Variants in DENND2B observed in about 807,000 individuals in gnomAD.
DENND2B encodes DENN domain-containing protein 2B.
In DENND2B, 32 loss-of-function variants were observed where a neutral mutation model predicts 116.0. That is an observed-to-expected ratio of 0.28 (90% CI 0.21 to 0.37). The LOEUF is 0.37. DENND2B is among the 10% of genes least tolerant of loss of function. DENND2B has a pLI of 1.00. For missense variants in DENND2B, 1,276 were observed against 1,477.7 expected (o/e 0.86, Z 2.24); for synonymous variants, 588 against 583.9 (o/e 1.01, Z -0.10).
intron 5 of DENND2B, among the ~76,000 whole-genome samples, chr11:8,716,860 C>G (rs868040924): frequency 1.3e-5 from 2 of 152,190 alleles, no homozygotes; most frequent in South Asian, 2.1e-4. Context: ...CCAGGCTGGT[C>G]TTGAACTCCT....
chr11:8,809,472 T>C (rs2061187565), intron 1 of DENND2B: 1 of 152,180 alleles, frequency 6.6e-6, no homozygotes, highest in South Asian at 2.1e-4. Flanking sequence ...ATGGCTCAAG[T>C]GGAAGCACAA....
chr11:8,700,456 C>T (rs2041346586), intron 14 of DENND2B, among the ~76,000 whole-genome samples: 1 of 152,196 alleles, frequency 6.6e-6, no homozygotes, highest in South Asian at 2.1e-4. Context: ...CCTTTCTTCT[C>T]CTGGGCTGAG....
chr11:8,844,987 C>T (rs2062761633), intron 3 of DENND2B, among the ~76,000 whole-genome samples: 1 of 152,126 alleles, frequency 6.6e-6, no homozygotes, highest in Non-Finnish European at 1.5e-5. Context: ...AGTGATCCTC[C>T]TGCCTCGGCT....
intron 2 of DENND2B, among the ~76,000 whole-genome samples, chr11:8,734,753 C>T (rs975491983): frequency 1.4e-5 from 2 of 142,990 alleles, no homozygotes; most frequent in Non-Finnish European, 3.0e-5. Context: ...CACGCCATTG[C>T]ACTCCGGCCT....
chr11:8,889,383 T>A (rs528665242), intron 1 of DENND2B, among the ~76,000 whole-genome samples: 4 of 152,174 alleles, frequency 2.6e-5, no homozygotes, highest in Non-Finnish European at 5.9e-5. Context: ...ATGGGGCTTG[T>A]CAGACAGTGG....
chr11:8,887,181 T>G (rs2063970589), intron 1 of DENND2B, among the ~76,000 whole-genome samples: 1 of 152,226 alleles, frequency 6.6e-6, no homozygotes, highest in Non-Finnish European at 1.5e-5. Flanking sequence ...CTCTTAATAT[T>G]TTGGCATTAT....
intron 1 of DENND2B, among the ~76,000 whole-genome samples, chr11:8,802,224 C>T (rs1429374388): frequency 1.3e-5 from 2 of 151,102 alleles, no homozygotes; most frequent in Non-Finnish European, 2.9e-5. Flanking sequence ...TCACTTGAAC[C>T]CAGGAGATGG....
chr11:8,774,391 C>G, intron 1 of DENND2B: 1 of 922,202 alleles, frequency 1.1e-6, no homozygotes, highest in Non-Finnish European at 1.3e-6. Flanking sequence ...TCCTGCTTTC[C>G]CTTCCTCCAT....
rs922593653 is a variant in DENND2B at position 8,769,355 on chromosome 11, A to G, written c.-25-18630T>C. 2.0e-5 allele frequency among the ~76,000 whole-genome samples: 3 copies of G among 151,042 alleles called. No individual in the cohort carries two copies. In the South Asian group the frequency reaches 6.3e-4, roughly 32 times the overall value. On this transcript the variant is annotated intron_variant, in intron 1 of 19. Coordinates refer to ENST00000313726, the MANE Select transcript of DENND2B (RefSeq NM_213618.2). ...CAGGTTCAAGTGATTCTCGTGCCTC[A>G]GCCTCCTGAGTAGCTGGGATGACAG...
At chr11:8,791,940 C>T (rs1330659728) in intron 1 of DENND2B, among the ~76,000 whole-genome samples, 1 of 151,942 alleles carries the variant, frequency 6.6e-6, no homozygotes, top group African/African-American at 2.4e-5. Context: ...CATGGTGGCT[C>T]ATGCCTGTAA....
chr11:8,764,307 C>T (rs1480052017), intron 1 of DENND2B, among the ~76,000 whole-genome samples: 1 of 152,124 alleles, frequency 6.6e-6, no homozygotes, highest in Non-Finnish European at 1.5e-5. Flanking sequence ...ATCATTAGGG[C>T]TCAATTTCCC....
chr11:8,821,166 A>T (rs976345610), intron 4 of DENND2B, among the ~76,000 whole-genome samples: 5 of 151,444 alleles, frequency 3.3e-5, no homozygotes, highest in Non-Finnish European at 7.4e-5. Flanking sequence ...ATTTAAATTT[A>T]AAAAATTTAA....
rs1167825119 is a variant in DENND2B, at chr11:8,753,503, CT to C, written c.-25-2779del. 9.9e-5 allele frequency among the ~76,000 whole-genome samples: 15 copies of C among 152,204 alleles called. No individual in the cohort carries two copies. In the East Asian group the frequency reaches 2.3e-3, roughly 23 times the overall value. On this transcript the variant is annotated intron_variant, in intron 1 of 19. Transcript: ENST00000313726. The stretch of plus-strand genomic sequence containing the variant: ...AATTCTCCCTAAATTGATTTACAGA[CT>C]CAACAGAATACCCATCAAAATGCCA...
intron 13 of DENND2B, chr11:8,703,503 A>C (rs2042070222): frequency 6.6e-6 from 1 of 152,350 alleles, no homozygotes; most frequent in Non-Finnish European, 1.5e-5. Context: ...GGCAGGAGGA[A>C]CTGCTGACGC....
chr11:8,715,052 C>A (rs1205176014), intron 6 of DENND2B, among the ~76,000 whole-genome samples: 1 of 152,196 alleles, frequency 6.6e-6, no homozygotes, highest in Non-Finnish European at 1.5e-5. Flanking sequence ...CTCTGAGATG[C>A]AATAACAGGA....
chr11:8,702,485 C>T lies in DENND2B; in HGVS notation c.2720+87G>A. The T allele has an allele frequency of 1.3e-6, 2 of 1,576,740 alleles. No homozygotes were observed. Among genetic ancestry groups the T allele is most frequent in the East Asian group, 2.3e-5 (1 of 43,672 alleles). Reference sequence around the variant, plus strand: ...CCCACTCCAGCACTGGTCTCCGGCGCCTGCTTAGGCTCCTGAACACTTGCT... The same window carrying T: ...CCCACTCCAGCACTGGTCTCCGGCGTCTGCTTAGGCTCCTGAACACTTGCT... On this transcript the variant is annotated intron_variant, in intron 14 of 19. Coordinates refer to ENST00000313726, the MANE Select transcript of DENND2B (RefSeq NM_213618.2). This position sits in a 1 kb window ranked among gnomAD's most constrained non-coding sequence, Gnocchi z 4.6.
chr11:8,876,543 C>T (rs757874436), intron 2 of DENND2B, among the ~76,000 whole-genome samples: 1 of 151,990 alleles, frequency 6.6e-6, no homozygotes, highest in Non-Finnish European at 1.5e-5. Context: ...TTTTATCCTG[C>T]TATGTTGTTT....
At position 8,728,008 on chromosome 11, in the gene DENND2B, C is replaced by T. The variant is rs562878515; in HGVS notation, c.1341-1799G>A. On this transcript the variant is annotated intron_variant, in intron 3 of 19. Transcript: ENST00000313726. Reference sequence around the variant, plus strand: ...ACACACACACACACACACACACACACGCAAATTTTTTTGAGAGACAAGGTC... The same window carrying T: ...ACACACACACACACACACACACACATGCAAATTTTTTTGAGAGACAAGGTC... 7.0e-3 allele frequency among the ~76,000 whole-genome samples: 770 copies of T among 110,080 alleles called. 5 individuals are homozygous for T. The highest frequency in any genetic ancestry group is 0.024 in the African/African-American group (696 of 28,928). 72.2% of individuals were successfully genotyped at this position (110,080 alleles called of 152,430 possible).
Position 8,697,605 on chromosome 11 carries a change from T to G in DENND2B, c.2972A>C (p.Lys991Thr). The G allele has an allele frequency of 1.2e-6, 2 of 1,614,192 alleles. No homozygotes were observed. Residue 991 changes from lysine (K) to threonine (T), a missense_variant, in exon 17 of 20, where the codon AAG (lysine) becomes ACG (threonine). By Grantham distance (78) the Lys-to-Thr change is moderately conservative. Coordinates refer to ENST00000313726, the MANE Select transcript of DENND2B (RefSeq NM_213618.2). ...AGCCTGCTCCAGAGCTGCCTGTAAC[T>G]TCCTAGGTAACAACGTGTCTTCGTC... is the stretch of plus-strand genomic sequence containing the variant. ...MDDEDTLLPR[K>T]LQAALEQALE...
Sources: gnomAD v4.1 joint callset for allele counts (sites outside exome capture counted in the v4.1 genomes callset) on GRCh38, gnomAD v4.1.1 for gene constraint, Gnocchi (gnomAD v3.1) non-coding constraint, MANE v1.5 for transcripts, NCBI Gene and HGNC (gene_info 2026-07-23, HGNC 2026-07-21) for gene names.